Variants in TLDC2 observed in about 807,000 individuals in gnomAD.
TLDC2 encodes TLD domain-containing protein 2.
TLDC2 carries 23 observed loss-of-function variants against 27.9 expected under a neutral mutation model. The ratio of observed to expected loss-of-function variants is 0.82; its 90% CI spans 0.59 to 1.17. The LOEUF (loss-of-function observed/expected upper bound fraction) is 1.17. Ranked by LOEUF, TLDC2 falls within the 50% of genes most tolerant of loss-of-function variation. The probability of loss-of-function intolerance (pLI) is 0.00; values close to 1 mark genes in which losing one functional copy is unlikely to be tolerated. For missense variants in TLDC2, 286 were observed against 273.4 expected (o/e 1.05, Z -0.32); for synonymous variants, 124 against 107.4 (o/e 1.16, Z -0.96).
Position 36,886,305 on chromosome 20 carries a change from T to C in TLDC2, c.439-1150T>C, listed in dbSNP as rs185951577. Among the ~76,000 whole-genome samples, 67 of 152,076 alleles carry C rather than the reference T, an allele frequency of 4.4e-4. No homozygotes were observed. In the East Asian group the frequency reaches 0.012, roughly 27 times the overall value. On this transcript the variant is annotated intron_variant, in intron 4 of 6. Coordinates refer to ENST00000217320, the MANE Select transcript of TLDC2 (RefSeq NM_080628.3). Reference sequence around the variant, plus strand: ...ACTGTGACCAGCTAGGTTTAAAAATTTGTTTTAGGGCCGGGCGCAGTGGCT... The same window carrying C: ...ACTGTGACCAGCTAGGTTTAAAAATCTGTTTTAGGGCCGGGCGCAGTGGCT...
chr20:36,877,936 G>A lies in TLDC2; in HGVS notation c.71G>A (p.Gly24Asp). Residue 24 changes from glycine (G) to aspartate (D), a missense_variant, in exon 2 of 7, where the codon GGT (glycine) becomes GAT (aspartate). Transcript: ENST00000217320. ...QVEDTLSGEEGNEEEEEEEAA... is the reference protein window; with the variant it reads ...QVEDTLSGEEDNEEEEEEEAA... Reference sequence around the variant, plus strand: ...GAGGACACCCTGTCTGGGGAGGAGGGTAACGAAGAGGAAGAGGAGGAGGAG... The same window carrying A: ...GAGGACACCCTGTCTGGGGAGGAGGATAACGAAGAGGAAGAGGAGGAGGAG... 6.2e-7 allele frequency: 1 copy of A among 1,613,976 alleles called. No individual in the cohort carries two copies. Among genetic ancestry groups the A allele is most frequent in the South Asian group, 1.1e-5 (1 of 91,068 alleles).
In TLDC2 at chr20:36,884,429, C is replaced by T. The variant is rs550004032; in HGVS notation, c.439-3026C>T. 2.0e-5 allele frequency among the ~76,000 whole-genome samples: 3 copies of T among 152,262 alleles called. No homozygotes were observed. The South Asian group carries it at 6.2e-4, about 32-fold the overall frequency. Reference sequence around the variant, plus strand: ...TCCTTCTATGTTCTGATGTCACCATCTCAGTGAAGCCTTCCCTGACTACCT... The same window carrying T: ...TCCTTCTATGTTCTGATGTCACCATTTCAGTGAAGCCTTCCCTGACTACCT... On this transcript the variant is annotated intron_variant, in intron 4 of 6. Coordinates refer to ENST00000217320, the MANE Select transcript of TLDC2 (RefSeq NM_080628.3).
At chr20:36,878,624 C>G (rs1158781906) in intron 2 of TLDC2, among the ~76,000 whole-genome samples, 1 of 151,936 alleles carries the variant, frequency 6.6e-6, no homozygotes, top group African/African-American at 2.4e-5. Flanking sequence ...TAGAACCAGC[C>G]CTTGGGAACT....
At chr20:36,887,417 C>A in intron 4 of TLDC2, 38 bp from the exon 5 acceptor site, 1 of 1,582,890 alleles carries the variant, frequency 6.3e-7, no homozygotes, top group South Asian at 1.1e-5. Context: ...GGGACTCGCT[C>A]GCTTAGTAAC....
chr20:36,877,431 T>C (rs142588034), intron 1 of TLDC2, among the ~76,000 whole-genome samples: 4 of 149,512 alleles, frequency 2.7e-5, no homozygotes, highest in Non-Finnish European at 4.4e-5. Flanking sequence ...CACACAGAGA[T>C]CACAGACAGT....
intron 1 of TLDC2, 130 bp downstream of exon 1, chr20:36,876,337 A>G (rs1200361570): frequency 7.9e-7 from 1 of 1,261,100 alleles, no homozygotes; most frequent in East Asian, 2.3e-5. Flanking sequence ...CCTCCCTGGC[A>G]GGCCTGTGGT....
chr20:36,887,642 T>C (rs1989952222), intron 5 of TLDC2, 114 bp downstream of exon 5: 2 of 969,508 alleles, frequency 2.1e-6, no homozygotes, highest in African/African-American at 1.6e-5. Flanking sequence ...AGTGGGGAAC[T>C]CTCAGGCCGT....
intron 6 of TLDC2, chr20:36,891,473 G>T (rs1990072418): frequency 6.6e-6 from 1 of 152,574 alleles, no homozygotes; most frequent in African/African-American, 2.4e-5. Flanking sequence ...CCACTGGCCT[G>T]TATCTTCAGC....
rs777778429 is a variant in TLDC2, at chr20:36,889,298, G to A, written c.560G>A (p.Ser187Asn). The stretch of plus-strand genomic sequence containing the variant: ...GATGGAGACTTGTTCCGCGGGGGAA[G>A]CTCCCCTTGCCCGACCTTCAACAAC... ...WLDGDLFRGG[S>N]SPCPTFNNEV... The change falls in exon 6 of 7, where the codon AGC becomes AAC. Residue 187 changes from serine to asparagine, a missense_variant. Ser to Asn is a conservative substitution (Grantham distance 46, BLOSUM62 1). Transcript: ENST00000217320. 3.7e-6 allele frequency: 6 copies of A among 1,614,182 alleles called. No homozygotes were observed. In the Admixed American group the frequency reaches 8.3e-5, roughly 22 times the overall value.
At chr20:36,877,821 AG>A in intron 1 of TLDC2, 77 bp from the exon 2 acceptor site, 1 of 1,490,804 alleles carries the variant, frequency 6.7e-7, no homozygotes, top group South Asian at 1.3e-5. Context: ...TGGCCCGAGG[AG>A]GCTCTTGGGC....
intron 1 of TLDC2, among the ~76,000 whole-genome samples, chr20:36,877,338 A>G (rs999200183): frequency 6.8e-6 from 1 of 146,970 alleles, no homozygotes; most frequent in Non-Finnish European, 1.5e-5. Context: ...CTGACATTGC[A>G]CCTCTGAACT....
At chr20:36,880,890 A>C (rs1034343289) in intron 4 of TLDC2, 140 bp downstream of exon 4, 23 of 759,420 alleles carry the variant, frequency 3.0e-5, no homozygotes, top group Non-Finnish European at 4.6e-5. Context: ...TGAGCAGGGC[A>C]GTGGTGGGCA....
chr20:36,893,705 G>T lies in TLDC2; in HGVS notation c.*861G>T. On this transcript the variant is annotated 3_prime_UTR_variant, in exon 7 of 7. Coordinates refer to ENST00000217320, the MANE Select transcript of TLDC2 (RefSeq NM_080628.3). ...CTGAACTTGTGGGTAGATCTTCTTTGGTTACAAGATGATGCACGATCTTGG... is the reference window on the plus strand; with the variant it reads ...CTGAACTTGTGGGTAGATCTTCTTTTGTTACAAGATGATGCACGATCTTGG... 2.5e-6 allele frequency: 1 copy of T among 392,664 alleles called. No individual in the cohort carries two copies. The highest frequency in any genetic ancestry group is 4.5e-6 in the Non-Finnish European group (1 of 223,044). The allele number at this position is 392,664 out of a possible 1,614,324, so 24.3% of individuals were successfully genotyped here.
chr20:36,880,089 A>ATATGTGTGTG (rs1416493249), intron 3 of TLDC2, among the ~76,000 whole-genome samples: 15 of 40,188 alleles, frequency 3.7e-4, no homozygotes, highest in Non-Finnish European at 6.8e-4. Context: ...ATATATATAT[A>ATATGTGTGTG]TATATATATA....
At chr20:36,884,719 G>A (rs534217249) in intron 4 of TLDC2, among the ~76,000 whole-genome samples, 1 of 151,676 alleles carries the variant, frequency 6.6e-6, no homozygotes, top group South Asian at 2.1e-4. Flanking sequence ...CATTGCTCAT[G>A]CCACTGCATT....
In TLDC2 at chr20:36,893,145, T is replaced by G. The variant is rs1031442313; in HGVS notation, c.*301T>G. 3 of 1,544,854 alleles carry G rather than the reference T, an allele frequency of 1.9e-6. No individual in the cohort carries two copies. The highest frequency in any genetic ancestry group is 2.7e-6 in the Non-Finnish European group (3 of 1,128,352). On this transcript the variant is annotated 3_prime_UTR_variant, in exon 7 of 7. Coordinates refer to ENST00000217320, the MANE Select transcript of TLDC2 (RefSeq NM_080628.3). ...CTTATTTCTGAGTGAAAGTCTCAAG[T>G]GCGCACATCCTCATCTTGCATATAG...
Position 36,880,667 on chromosome 20 carries a change from T to A in TLDC2, c.355T>A (p.Phe119Ile). Residue 119 changes from phenylalanine to isoleucine, a missense_variant, in exon 4 of 7, where the codon TTC (phenylalanine) becomes ATC (isoleucine). Physicochemically the swap from Phe to Ile is conservative, Grantham distance 21. Coordinates refer to ENST00000217320, the MANE Select transcript of TLDC2 (RefSeq NM_080628.3). ...TTCCACTTTCCAGATATTTGGAGCC[T>A]TCTCCTCCTCGGCTATCCGACTCAG... ...RDQDGQIFGA[F>I]SSSAIRLSKG... 11 of 1,614,176 alleles carry A rather than the reference T, an allele frequency of 6.8e-6. No individual in the cohort carries two copies. The highest frequency in any genetic ancestry group is 9.3e-6 in the Non-Finnish European group (11 of 1,179,994).
chr20:36,880,698 G>T lies in TLDC2; in HGVS notation c.386G>T (p.Gly129Val). The T allele has an allele frequency of 6.2e-7, 1 of 1,614,228 alleles. No homozygotes were observed. The highest frequency in any genetic ancestry group is 1.1e-5 in the South Asian group (1 of 91,088). The change falls in exon 4 of 7, where the codon GGC becomes GTC. Residue 129 changes from glycine (G) to valine (V), a missense_variant. Physicochemically the swap from Gly to Val is moderately radical, Grantham distance 109. Transcript: ENST00000217320. ...TCCTCGGCTATCCGACTCAGCAAAG[G>T]CTTCTATGGTACTGGCGAGACATTC... ...FSSSAIRLSKGFYGTGETFLF... is the reference protein window; with the variant it reads ...FSSSAIRLSKVFYGTGETFLF...
Position 36,887,466 on chromosome 20 carries a change from G to C in TLDC2, c.450G>C (p.Trp150Cys), listed in dbSNP as rs1482832087. The C allele has an allele frequency of 6.2e-7, 1 of 1,614,086 alleles. No homozygotes were observed. The highest frequency in any genetic ancestry group is 1.7e-5 in the Admixed American group (1 of 60,020). The change falls in exon 5 of 7, where the codon TGG becomes TGC. Residue 150 changes from tryptophan to cysteine, a missense_variant. By Grantham distance (215) the Trp-to-Cys change is radical. Transcript: ENST00000217320. Reference sequence around the variant, plus strand: ...TATGTATCACCCAGGTCTTTAAGTGGACTGGAAGCAACTCTTTCTTTGTGA... The same window carrying C: ...TATGTATCACCCAGGTCTTTAAGTGCACTGGAAGCAACTCTTTCTTTGTGA... ...SFSPQLKVFK[W>C]TGSNSFFVKG...
Sources: allele counts gnomAD v4.1 joint callset (sites outside exome capture counted in the v4.1 genomes callset), GRCh38; gene constraint gnomAD v4.1.1; transcripts MANE v1.5; gene names NCBI Gene and HGNC (gene_info 2026-07-23, HGNC 2026-07-21).